Variants in PRSS23 observed in about 807,000 individuals in gnomAD.
PRSS23 encodes the protein serine protease 23, also known as protease, serine 23.
A neutral mutation model predicts 34.7 loss-of-function variants in PRSS23; 25 were observed. That is an observed-to-expected ratio of 0.72 (90% CI 0.53 to 1.01). PRSS23 has a LOEUF of 1.01. Among genes scored for constraint, PRSS23 ranks in the 50% least tolerant of loss-of-function variants. The pLI, the probability that PRSS23 is intolerant of heterozygous loss-of-function variation, is 0.00. For synonymous variants in PRSS23, 176 were observed against 186.6 expected, an observed-to-expected ratio of 0.94 and a Z score of 0.46; for missense variants, 445 against 475.6, an observed-to-expected ratio of 0.94 and a Z score of 0.60.
chr11:86,827,031 T>C (rs1378839512), intron 2 of PRSS23, among the ~76,000 whole-genome samples: 1 of 152,176 alleles, frequency 6.6e-6, no homozygotes, highest in Non-Finnish European at 1.5e-5. Flanking sequence ...GAGGATTCCC[T>C]CTTTTTCTAT....
chr11:86,835,635 C>G lies in PRSS23; in HGVS notation c.206+12042C>G, dbSNP rs112322187. ...GGCAGAAACCTGTTATGCCAAGGAA[C>G]CCTCTTAGTTGCTTTAGGGTTTTAG... On this transcript the variant is annotated intron_variant, in intron 2 of 2. Transcript: ENST00000533902. Among the ~76,000 whole-genome samples the G allele has an allele frequency of 8.9e-4, 135 of 152,300 alleles. 1 individual carries two copies. Among genetic ancestry groups the G allele is most frequent in the African/African-American group, 3.1e-3 (127 of 41,572 alleles).
chr11:86,796,990 T>C (rs1212224003), upstream of PRSS23, among the ~76,000 whole-genome samples: 3 of 150,320 alleles, frequency 2.0e-5, no homozygotes, highest in South Asian at 2.1e-4. Context: ...CTTTCTCCTA[T>C]ATTTGATTTT....
intron 2 of PRSS23, among the ~76,000 whole-genome samples, chr11:86,931,481 T>C (rs886299104): frequency 1.1e-4 from 16 of 152,050 alleles, no homozygotes; most frequent in African/African-American, 3.9e-4. Flanking sequence ...AGCACAGATG[T>C]GTACATACTG....
chr11:86,808,396 A>G lies in PRSS23; in HGVS notation c.753A>G (p.Glu251=), dbSNP rs769390709. 5 of 1,614,194 alleles carry G rather than the reference A, an allele frequency of 3.1e-6. No homozygotes were observed. The highest frequency in any genetic ancestry group is 4.2e-6 in the Non-Finnish European group (5 of 1,180,046). ...TGGATTATGATTATGCCCTCCTGGAACTCAAAAAGCCCCACAAGAGAAAAT... is the reference window on the plus strand; with the variant it reads ...TGGATTATGATTATGCCCTCCTGGAGCTCAAAAAGCCCCACAAGAGAAAAT... ...IGMDYDYALL[E]LKKPHKRKFM... is the part of the protein sequence containing the mutation. The change falls in exon 2 of 2, where the codon GAA becomes GAG. Residue 251 remains glutamate (E), a synonymous_variant. Transcript: ENST00000280258.
At chr11:86,870,013 C>T (rs1948674388) in intron 2 of PRSS23, among the ~76,000 whole-genome samples, 1 of 152,218 alleles carries the variant, frequency 6.6e-6, no homozygotes, top group Non-Finnish European at 1.5e-5. Context: ...AGTTCTCTGA[C>T]TCTCTCTTTC....
intron 2 of PRSS23, among the ~76,000 whole-genome samples, chr11:86,841,800 A>C (rs902952732): frequency 9.2e-5 from 14 of 152,226 alleles, no homozygotes; most frequent in African/African-American, 3.4e-4. Context: ...ATAGTCTACC[A>C]ACCAAAAAAA....
chr11:86,862,452 C>T lies in PRSS23; in HGVS notation c.206+38859C>T, dbSNP rs115719138. Reference sequence around the variant, plus strand: ...CACTTAGTGATACTATTCGTAATACCCTAGGAGGATGTTACTCCTAATGTC... The same window carrying T: ...CACTTAGTGATACTATTCGTAATACTCTAGGAGGATGTTACTCCTAATGTC... On this transcript the variant is annotated intron_variant, in intron 2 of 2. Coordinates refer to the PRSS23 transcript ENST00000533902. 4.8e-3 allele frequency among the ~76,000 whole-genome samples: 724 copies of T among 151,650 alleles called. 11 individuals carry two copies. The highest frequency in any genetic ancestry group is 0.017 in the African/African-American group (702 of 41,298).
intron 2 of PRSS23, among the ~76,000 whole-genome samples, chr11:86,842,917 C>A (rs1197647584): frequency 6.6e-6 from 1 of 152,144 alleles, no homozygotes; most frequent in African/African-American, 2.4e-5. Context: ...TTGGAAAAAA[C>A]TACTTTAAAT....
chr11:86,836,465 C>A (rs1185574949), intron 2 of PRSS23, among the ~76,000 whole-genome samples: 1 of 152,150 alleles, frequency 6.6e-6, no homozygotes, highest in African/African-American at 2.4e-5. Flanking sequence ...CAGGGAAGAA[C>A]AAATGGGTGT....
intron 2 of PRSS23, chr11:86,832,662 A>G: frequency 2.4e-6 from 1 of 417,466 alleles, no homozygotes. Flanking sequence ...GGGGAAGATG[A>G]CACATCTGAA....
chr11:86,816,622 T>C (rs1011983948), intron 1 of PRSS23, among the ~76,000 whole-genome samples: 4 of 152,228 alleles, frequency 2.6e-5, no homozygotes, highest in African/African-American at 9.6e-5. Context: ...CCAGCATGAC[T>C]AATATCCTCT....
chr11:86,876,435 G>T (rs1003003767), intron 2 of PRSS23, among the ~76,000 whole-genome samples: 1 of 152,214 alleles, frequency 6.6e-6, no homozygotes, highest in Admixed American at 6.5e-5. Context: ...GTTATGATGA[G>T]AATAATAATA....
At chr11:86,898,471 G>A (rs1312229032) in intron 2 of PRSS23, among the ~76,000 whole-genome samples, 11 of 152,148 alleles carry the variant, frequency 7.2e-5, no homozygotes, top group Admixed American at 5.9e-4. Context: ...ATTTTCTGTT[G>A]AATGTAGTCA....
In PRSS23 at chr11:86,808,802, G is replaced by A. The variant is rs371130412; in HGVS notation, c.*7G>A. On this transcript the variant is annotated 3_prime_UTR_variant, in exon 2 of 2. Transcript: ENST00000280258. ...GGATTGTAGGGAGGGGTGACACAGT[G>A]TTCCCTCCTGGCAGCAATTAAGGGT... is the stretch of plus-strand genomic sequence containing the variant. 71 of 1,593,284 alleles carry A rather than the reference G, an allele frequency of 4.5e-5. No homozygotes were observed. Among genetic ancestry groups the A allele is most frequent in the Non-Finnish European group, 6.0e-5 (70 of 1,168,218 alleles).
chr11:86,940,292 C>T (rs1028083396), intron 2 of PRSS23, among the ~76,000 whole-genome samples: 5 of 152,142 alleles, frequency 3.3e-5, no homozygotes, highest in East Asian at 1.9e-4. Context: ...TAGTTTGCAA[C>T]GTAGGGGTGT....
chr11:86,921,318 CCTTA>C (rs1160986862), intron 2 of PRSS23: 1 of 152,144 alleles, frequency 6.6e-6, no homozygotes, highest in Non-Finnish European at 1.5e-5. Flanking sequence ...GCAGATTCAT[CCTTA>C]CTTTCTTCAA....
chr11:86,866,325 C>T (rs1726990535), intron 2 of PRSS23, among the ~76,000 whole-genome samples: 1 of 152,022 alleles, frequency 6.6e-6, no homozygotes, highest in African/African-American at 2.4e-5. Context: ...GCTCTGAGTA[C>T]AGGGGTGGGG....
intron 2 of PRSS23, among the ~76,000 whole-genome samples, chr11:86,831,910 G>A (rs987585055): frequency 2.6e-5 from 4 of 151,358 alleles, no homozygotes; most frequent in South Asian, 2.1e-4. Flanking sequence ...ACAATATTCC[G>A]GAATGATGTT....
intron 2 of PRSS23, among the ~76,000 whole-genome samples, chr11:86,878,224 A>C (rs983721012): frequency 0.014 from 631 of 46,478 alleles, 1 homozygote; most frequent in Admixed American, 0.017. Flanking sequence ...CCCTCCCCCT[A>C]CCCCTCCCCC....
Sources: allele counts gnomAD v4.1 joint callset (sites outside exome capture counted in the v4.1 genomes callset), GRCh38; gene constraint gnomAD v4.1.1; transcripts MANE v1.5; gene names NCBI Gene and HGNC (gene_info 2026-07-23, HGNC 2026-07-21).